Variants in OR2L13 observed in about 807,000 individuals in gnomAD.
OR2L13 encodes the protein olfactory receptor 2L13.
A neutral mutation model predicts 15.3 loss-of-function variants in OR2L13; 14 were observed. The ratio of observed to expected loss-of-function variants is 0.91; its 90% confidence interval spans 0.60 to 1.43. OR2L13 has a LOEUF of 1.43. OR2L13 is among the 40% of genes most tolerant of loss of function. The pLI is 0.00. For synonymous variants in OR2L13, 152 were observed against 142.9 expected (o/e 1.06, Z -0.45); for missense variants, 367 against 387.9 (o/e 0.95, Z 0.45).
At chr1:247,992,830 A>G in the OR2L13 span, among the ~76,000 whole-genome samples, 1 of 151,744 alleles carries the variant, frequency 6.6e-6, no homozygotes. Flanking sequence ...TAGTGCAGCA[A>G]TGAGCAATGA....
chr1:247,941,945 T>C, the OR2L13 span, among the ~76,000 whole-genome samples: 12 of 152,186 alleles, frequency 7.9e-5, no homozygotes, highest in African/African-American at 2.4e-4. Context: ...TGGTAAATAC[T>C]GGGAATTATT....
chr1:248,062,314 A>T, the OR2L13 span: 2 of 152,242 alleles, frequency 1.3e-5, no homozygotes, highest in East Asian at 3.8e-4. Flanking sequence ...TTAGGTCTTT[A>T]ACCTGTTTTG....
At chr1:247,991,177 AT>A in the OR2L13 span, 1 of 1,602,986 alleles carries the variant, frequency 6.2e-7, no homozygotes, top group South Asian at 1.1e-5. Context: ...GACACGAGTG[AT>A]TCAGAAAATC....
chr1:247,958,805 C>T, the OR2L13 span, among the ~76,000 whole-genome samples: 13 of 151,806 alleles, frequency 8.6e-5, no homozygotes, highest in Non-Finnish European at 1.9e-4. Context: ...GTAGATCTTC[C>T]TCCATCCTTT....
At chr1:248,048,755 T>C in the OR2L13 span, among the ~76,000 whole-genome samples, 2 of 152,088 alleles carry the variant, frequency 1.3e-5, no homozygotes, top group East Asian at 3.8e-4. Flanking sequence ...TTGTATATTT[T>C]AGATATCGCT....
chr1:248,099,635 G>T, exon 3 of OR2L13: 1 of 1,614,048 alleles, frequency 6.2e-7, no homozygotes, highest in Non-Finnish European at 8.5e-7. Context: ...TTCCTGTCCG[G>T]CCAGAAAGGC....
the OR2L13 span, chr1:248,013,590 T>A: frequency 6.6e-6 from 1 of 152,108 alleles, no homozygotes; most frequent in African/African-American, 2.4e-5. Flanking sequence ...TGAAATCTCA[T>A]GTGTAGGGAT....
chr1:247,996,727 G>A, the OR2L13 span, among the ~76,000 whole-genome samples: 2 of 151,978 alleles, frequency 1.3e-5, no homozygotes, highest in African/African-American at 4.8e-5. Flanking sequence ...ATCAAATAAG[G>A]ATTCTTACCT....
At chr1:247,971,357 A>G in the OR2L13 span, among the ~76,000 whole-genome samples, 79 of 152,198 alleles carry the variant, frequency 5.2e-4, no homozygotes, top group African/African-American at 1.8e-3. Context: ...GCACCTAGGG[A>G]TTGTGGAAGA....
At chr1:247,952,387 C>G in the OR2L13 span, among the ~76,000 whole-genome samples, 1 of 152,080 alleles carries the variant, frequency 6.6e-6, no homozygotes, top group Non-Finnish European at 1.5e-5. Flanking sequence ...GGAGTAGGGG[C>G]CTTTTGGGAA....
At chr1:247,946,658 T>C in the OR2L13 span, among the ~76,000 whole-genome samples, 3 of 152,202 alleles carry the variant, frequency 2.0e-5, no homozygotes, top group Non-Finnish European at 2.9e-5. Flanking sequence ...CATCTGCTAA[T>C]GCCTGATTTC....
chr1:247,959,884 C>T, the OR2L13 span, among the ~76,000 whole-genome samples: 2 of 152,198 alleles, frequency 1.3e-5, no homozygotes, highest in Admixed American at 6.5e-5. Flanking sequence ...GCAATGGGTT[C>T]GAACTTCCTC....
the OR2L13 span, among the ~76,000 whole-genome samples, chr1:247,969,581 C>A: frequency 1.3e-5 from 2 of 152,146 alleles, no homozygotes. Context: ...TTAAAGCAGA[C>A]CTCACTTTCA....
At chr1:248,034,762 T>C in the OR2L13 span, among the ~76,000 whole-genome samples, 1 of 152,216 alleles carries the variant, frequency 6.6e-6, no homozygotes, top group Non-Finnish European at 1.5e-5. Flanking sequence ...CACAATCTCA[T>C]TTTTAGATTG....
At chr1:247,965,318 G>T in the OR2L13 span, 2 of 1,521,038 alleles carry the variant, frequency 1.3e-6, no homozygotes, top group Non-Finnish European at 1.8e-6. Flanking sequence ...CTTAAGGGAA[G>T]TCAACATTAT....
At chr1:247,964,486 T>C in the OR2L13 span, among the ~76,000 whole-genome samples, 2 of 152,204 alleles carry the variant, frequency 1.3e-5, no homozygotes, top group African/African-American at 4.8e-5. Flanking sequence ...GAAGTCATAA[T>C]GATCAAATTT....
At chr1:247,965,075 A>C in the OR2L13 span, among the ~76,000 whole-genome samples, 1 of 151,138 alleles carries the variant, frequency 6.6e-6, no homozygotes, top group African/African-American at 2.4e-5. Flanking sequence ...ATATATGTAT[A>C]TGTACATATA....
At chr1:248,061,333 G>A in the OR2L13 span, 6 of 1,613,774 alleles carry the variant, frequency 3.7e-6, no homozygotes, top group Admixed American at 6.7e-5. Context: ...ATGTTCCTAT[G>A]GCCGGGTTCT....
At chr1:248,084,315 C>G in the OR2L13 span, 246 of 1,612,234 alleles carry the variant, frequency 1.5e-4, no homozygotes, top group South Asian at 2.6e-3. Flanking sequence ...CACACCACAG[C>G]CAGCGCGGGA....
Sources: allele counts gnomAD v4.1 joint callset (sites outside exome capture counted in the v4.1 genomes callset), GRCh38; gene constraint gnomAD v4.1.1; transcripts MANE v1.5; gene names NCBI Gene and HGNC (gene_info 2026-07-23, HGNC 2026-07-21).